The following ERG variants were observed in gnomAD, a reference collection of about 807,000 sequenced individuals.
The protein encoded by ERG is transcriptional regulator ERG.
A neutral mutation model predicts 55.3 loss-of-function variants in ERG; 9 were observed. That is an observed-to-expected ratio of 0.16 (90% CI 0.10 to 0.28). ERG has a LOEUF of 0.28. Among genes scored for constraint, ERG ranks in the 10% least tolerant of loss-of-function variants. The probability of loss-of-function intolerance (pLI) is 1.00; values close to 1 mark genes in which losing one functional copy is unlikely to be tolerated. For synonymous variants in ERG, 223 were observed against 237.3 expected, an observed-to-expected ratio of 0.94 and a Z score of 0.55; for missense variants, 434 against 631.6, an observed-to-expected ratio of 0.69 and a Z score of 3.35.
the ERG span, among the ~76,000 whole-genome samples, chr21:38,373,330 A>T: frequency 6.6e-6 from 1 of 152,190 alleles, no homozygotes; most frequent in Non-Finnish European, 1.5e-5. Flanking sequence ...GTTTTCAAAA[A>T]TTTCCCCAAG....
chr21:38,616,330 T>C (rs1285140935), intron 1 of ERG, among the ~76,000 whole-genome samples: 3 of 152,152 alleles, frequency 2.0e-5, no homozygotes, highest in Non-Finnish European at 4.4e-5. Context: ...GTCTTGATCA[T>C]TGGGATTCCT....
At chr21:38,369,073 A>T in the ERG span, among the ~76,000 whole-genome samples, 2 of 152,230 alleles carry the variant, frequency 1.3e-5, no homozygotes, top group Non-Finnish European at 2.9e-5. Flanking sequence ...GCTGCAGAGA[A>T]CACTGAGGTG....
At position 38,603,583 on chromosome 21, in the gene ERG, T is replaced by C. The variant is rs1006510847; in HGVS notation, c.-149-18638A>G. Among the ~76,000 whole-genome samples, 21 of 151,456 alleles carry C rather than the reference T, an allele frequency of 1.4e-4. 1 individual carries two copies. Among genetic ancestry groups the C allele is most frequent in the African/African-American group, 4.2e-4 (17 of 40,804 alleles). On this transcript the variant is annotated intron_variant, in intron 1 of 10. Coordinates refer to the ERG transcript ENST00000398910. Reference sequence around the variant, plus strand: ...AAGTGGCGAATCTGGGGCCCATCATTGGAAATGCCAGCCTTCTCACTGAGT... The same window carrying C: ...AAGTGGCGAATCTGGGGCCCATCATCGGAAATGCCAGCCTTCTCACTGAGT...
At chr21:38,568,828 T>C (rs1041156994) in intron 2 of ERG, among the ~76,000 whole-genome samples, 1 of 152,188 alleles carries the variant, frequency 6.6e-6, no homozygotes, top group African/African-American at 2.4e-5. Context: ...AGTGGACCTA[T>C]GAACCCCCAG....
Position 38,383,017 on chromosome 21 carries a change from T to C in ERG, c.*386A>G, listed in dbSNP as rs1260476107. 9.3e-7 allele frequency: 1 copy of C among 1,079,286 alleles called. No homozygotes were observed. Among genetic ancestry groups the C allele is most frequent in the East Asian group, 4.9e-5 (1 of 20,452 alleles). 66.9% of individuals were successfully genotyped at this position (1,079,286 alleles called of 1,614,324 possible). ...TATAAACGGTATGTTAGGTCAAAAC[T>C]GTGTTGTTTCTATTGCTTTAGTTTC... On this transcript the variant is annotated 3_prime_UTR_variant, in exon 10 of 10. Transcript: ENST00000288319. The surrounding 1 kb of genome is among the most constrained non-coding windows in gnomAD (Gnocchi z 5.7).
chr21:38,594,935 C>CA (rs1349656350), intron 1 of ERG, among the ~76,000 whole-genome samples: 1 of 151,670 alleles, frequency 6.6e-6, no homozygotes, highest in Admixed American at 6.6e-5. Context: ...ATTTGCCAAG[C>CA]AAAAAAAGAG....
intron 1 of ERG, among the ~76,000 whole-genome samples, chr21:38,649,848 C>T (rs1374378760): frequency 2.0e-5 from 3 of 152,220 alleles, no homozygotes; most frequent in African/African-American, 7.2e-5. Context: ...TCTTGCTTCT[C>T]CATTTGTCCT....
At chr21:38,647,471 T>A (rs1258962732) in intron 1 of ERG, among the ~76,000 whole-genome samples, 3 of 152,212 alleles carry the variant, frequency 2.0e-5, no homozygotes, top group Non-Finnish European at 4.4e-5. Context: ...TACGTATATG[T>A]ATAATGCAAA....
intron 1 of ERG, among the ~76,000 whole-genome samples, chr21:38,486,263 A>C (rs937535286): frequency 2.0e-5 from 3 of 152,120 alleles, no homozygotes; most frequent in Non-Finnish European, 4.4e-5. Context: ...CCTTTCCCAC[A>C]TTTTGATACA....
intron 2 of ERG, among the ~76,000 whole-genome samples, chr21:38,514,059 C>T (rs2059533865): frequency 6.6e-6 from 1 of 150,682 alleles, no homozygotes. Context: ...TATAATTTAC[C>T]AAAACTGTCA....
chr21:38,575,029 C>T (rs1237108257), intron 2 of ERG, among the ~76,000 whole-genome samples: 5 of 152,200 alleles, frequency 3.3e-5, no homozygotes, highest in East Asian at 1.9e-4. Context: ...AGAGTCCTCT[C>T]AGGGACCTCC....
At chr21:38,397,629 G>T in intron 6 of ERG, among the ~76,000 whole-genome samples, 1 of 146,788 alleles carries the variant, frequency 6.8e-6, no homozygotes, top group Non-Finnish European at 1.5e-5. Context: ...GAAGAGAAAA[G>T]AAGATAAAAG....
At chr21:38,645,191 C>A (rs114281195) in intron 1 of ERG, among the ~76,000 whole-genome samples, 1 of 152,034 alleles carries the variant, frequency 6.6e-6, no homozygotes, top group Non-Finnish European at 1.5e-5. Context: ...AAATTTTAAA[C>A]CCTTAAAAAT....
intron 1 of ERG, among the ~76,000 whole-genome samples, chr21:38,470,338 T>C (rs969992324): frequency 1.3e-5 from 2 of 152,140 alleles, no homozygotes; most frequent in Non-Finnish European, 2.9e-5. Context: ...CCTAACTCAT[T>C]TGGGGGAAGG....
intron 2 of ERG, among the ~76,000 whole-genome samples, chr21:38,523,023 G>A (rs746594002): frequency 2.0e-5 from 3 of 152,140 alleles, no homozygotes; most frequent in Non-Finnish European, 4.4e-5. Context: ...TCTCAAAGTG[G>A]GAGCAACTCA....
intron 2 of ERG, among the ~76,000 whole-genome samples, chr21:38,529,909 T>C (rs960341355): frequency 6.6e-6 from 1 of 151,906 alleles, no homozygotes; most frequent in African/African-American, 2.4e-5. Context: ...GAAGTTGCAG[T>C]GAACCGAGAT....
intron 2 of ERG, among the ~76,000 whole-genome samples, chr21:38,522,753 A>G (rs2059603874): frequency 6.6e-6 from 1 of 152,188 alleles, no homozygotes; most frequent in Non-Finnish European, 1.5e-5. Context: ...TCAATTTCAG[A>G]TTAGATAAAA....
In ERG at chr21:38,382,896, A is replaced by G. The variant is rs1987513509; in HGVS notation, c.*507T>C. On this transcript the variant is annotated 3_prime_UTR_variant, in exon 10 of 10. Transcript: ENST00000288319. ...GCACATGCCATGCAGTTGCATATCA[A>G]CGTCTGTTGATGGGCCACAGTCTCT... is the stretch of plus-strand genomic sequence containing the variant. 9.4e-7 allele frequency: 1 copy of G among 1,066,356 alleles called. No homozygotes were observed. Among genetic ancestry groups the G allele is most frequent in the African/African-American group, 1.6e-5 (1 of 61,094 alleles). The allele number at this position is 1,066,356 out of a possible 1,614,324, so 66.1% of individuals were successfully genotyped here.
Position 38,523,851 on chromosome 21 carries a change from C to A in ERG, c.-41+51811G>T, listed in dbSNP as rs192960055. ...TGGGCTTCTCAGGTGCCTCCACTCT[C>A]CTCCGTATGTCTCCATCCATCTCAG... On this transcript the variant is annotated intron_variant, in intron 2 of 8. Coordinates refer to the ERG transcript ENST00000398897. 2.4e-3 allele frequency among the ~76,000 whole-genome samples: 359 copies of A among 152,304 alleles called. 4 individuals carry two copies. The highest frequency in any genetic ancestry group is 8.1e-3 in the African/African-American group (336 of 41,562).
Sources: gnomAD v4.1 joint callset for allele counts (sites outside exome capture counted in the v4.1 genomes callset) on GRCh38, gnomAD v4.1.1 for gene constraint, Gnocchi (gnomAD v3.1) non-coding constraint, MANE v1.5 for transcripts, NCBI Gene and HGNC (gene_info 2026-07-23, HGNC 2026-07-21) for gene names.